Variants in AFF2 observed in about 807,000 individuals in gnomAD.
The protein encoded by AFF2 is ALF transcription elongation factor 2.
AFF2 carries 14 observed loss-of-function variants against 76.9 expected under a neutral mutation model. The ratio of observed to expected loss-of-function variants is 0.18; its 90% CI spans 0.12 to 0.28. The LOEUF is 0.28. Among genes scored for constraint, AFF2 ranks in the 10% least tolerant of loss-of-function variants. AFF2 has a pLI of 1.00. For synonymous variants in AFF2, 398 were observed against 366.7 expected (o/e 1.09, Z -0.98); for missense variants, 868 against 1,001.1 (o/e 0.87, Z 1.79).
chrX:148,570,933 A>G (rs1951716628), intron 1 of AFF2, among the ~76,000 whole-genome samples: 1 of 111,073 alleles, frequency 9.0e-6, no homozygotes, highest in South Asian at 3.8e-4. Flanking sequence ...TTATAAGGAT[A>G]CTAGTCATAT....
Position 148,999,618 on chromosome X carries a change from G to A in AFF2, c.*8286G>A, listed in dbSNP as rs1210753974. The A allele has an allele frequency of 1.6e-4, 16 of 102,672 alleles. No homozygotes were observed. The highest frequency in any genetic ancestry group is 4.0e-4 in the African/African-American group (9 of 22,309). 8.5% of individuals were successfully genotyped at this position (102,672 alleles called of 1,213,427 possible). ...TGTGTGTGTGCGCGCACACACGTGCGTGTGTGTGTCCCTGCATGTGCAACA... is the reference window on the plus strand; with the variant it reads ...TGTGTGTGTGCGCGCACACACGTGCATGTGTGTGTCCCTGCATGTGCAACA... On this transcript the variant is annotated 3_prime_UTR_variant, in exon 21 of 21. Coordinates refer to ENST00000370460, the MANE Select transcript of AFF2 (RefSeq NM_002025.4).
intron 1 of AFF2, among the ~76,000 whole-genome samples, chrX:148,517,861 C>A (rs868914061): frequency 4.1e-5 from 4 of 97,431 alleles, no homozygotes; most frequent in Non-Finnish European, 4.1e-5. Context: ...ACTAAAAATA[C>A]AAAAAAAAAA....
At chrX:148,850,790 A>C (rs2070723225) in intron 7 of AFF2, among the ~76,000 whole-genome samples, 1 of 112,164 alleles carries the variant, frequency 8.9e-6, no homozygotes, top group African/African-American at 3.2e-5. Context: ...AGGGAGGGGA[A>C]GATATTTTCC....
intron 13 of AFF2, among the ~76,000 whole-genome samples, chrX:148,965,795 A>T (rs186381295): frequency 1.8e-5 from 2 of 112,005 alleles, no homozygotes; most frequent in East Asian, 5.6e-4. Context: ...AACACACAAG[A>T]TTGACAGATC....
intron 3 of AFF2, among the ~76,000 whole-genome samples, chrX:148,760,986 A>G (rs2069432571): frequency 8.9e-6 from 1 of 111,795 alleles, no homozygotes; most frequent in Non-Finnish European, 1.9e-5. Context: ...TACCTCATCT[A>G]TTTATGTGGC....
chrX:148,762,508 G>GTGTGTATA (rs782356186), intron 3 of AFF2, among the ~76,000 whole-genome samples: 2 of 106,405 alleles, frequency 1.9e-5, no homozygotes, highest in African/African-American at 7.3e-5. Context: ...GTGTGTGTGT[G>GTGTGTATA]TATATAACAT....
chrX:148,767,323 C>T (rs2069531403), intron 3 of AFF2, among the ~76,000 whole-genome samples: 1 of 111,184 alleles, frequency 9.0e-6, no homozygotes, highest in African/African-American at 3.3e-5. Context: ...ACTTAAATAA[C>T]AGGATTTTAG....
chrX:148,550,089 A>G (rs782768391), intron 1 of AFF2, among the ~76,000 whole-genome samples: 65 of 112,012 alleles, frequency 5.8e-4, no homozygotes, highest in African/African-American at 2.0e-3. Flanking sequence ...GATTTAGTCA[A>G]GTGAGGTGTG....
intron 1 of AFF2, among the ~76,000 whole-genome samples, chrX:148,644,079 A>G (rs1463537538): frequency 9.0e-6 from 1 of 111,594 alleles, no homozygotes; most frequent in Non-Finnish European, 1.9e-5. Context: ...ATTTTTGACA[A>G]TCAATATCCA....
chrX:148,668,132 G>A lies in AFF2; in HGVS notation c.1041+5364G>A, dbSNP rs143170821. On this transcript the variant is annotated intron_variant, in intron 3 of 20. Transcript: ENST00000370460. ...TGCAAGTCCAAAATCCAGCAGGGCC[G>A]TCAAACCTTAAAGCTCCAAAATGAT... Among the ~76,000 whole-genome samples the A allele has an allele frequency of 4.2e-3, 480 of 113,117 alleles. 3 individuals carry two copies. The highest frequency in any genetic ancestry group is 0.015 in the African/African-American group (459 of 31,194).
In AFF2 at chrX:148,830,491, C is replaced by T. The variant is rs141605917; in HGVS notation, c.1087-7156C>T. ...TTTCACATAGGTTCTTTTCTATTTC[C>T]GTAAGTGTCGGCCTGTCTGAGAAAT... On this transcript the variant is annotated intron_variant, in intron 4 of 20. Coordinates refer to ENST00000370460, the MANE Select transcript of AFF2 (RefSeq NM_002025.4). Among the ~76,000 whole-genome samples, 384 of 111,854 alleles carry T rather than the reference C, an allele frequency of 3.4e-3. 3 individuals are homozygous for T. Among genetic ancestry groups the T allele is most frequent in the African/African-American group, 0.012 (356 of 30,745 alleles).
chrX:148,541,125 T>G, intron 1 of AFF2, among the ~76,000 whole-genome samples: 1 of 112,028 alleles, frequency 8.9e-6, no homozygotes, highest in Non-Finnish European at 1.9e-5. Flanking sequence ...ATATGCTACT[T>G]TGATCAAACT....
chrX:148,718,028 T>A (rs185627370), intron 3 of AFF2, among the ~76,000 whole-genome samples: 1 of 110,623 alleles, frequency 9.0e-6, no homozygotes, highest in African/African-American at 3.3e-5. Flanking sequence ...CTTAGTTTTT[T>A]TTTTTTTTAA....
intron 1 of AFF2, among the ~76,000 whole-genome samples, chrX:148,519,168 T>C (rs1184849399): frequency 9.0e-6 from 1 of 111,481 alleles, no homozygotes; most frequent in Non-Finnish European, 1.9e-5. Context: ...CACACCCCAT[T>C]TTTTGCATTT....
intron 9 of AFF2, among the ~76,000 whole-genome samples, chrX:148,944,616 C>T (rs1320693207): frequency 1.8e-5 from 2 of 111,674 alleles, no homozygotes; most frequent in African/African-American, 3.3e-5. Flanking sequence ...CCAGAAAAGT[C>T]AGTGTGATTT....
chrX:148,824,989 G>A (rs192732232), intron 4 of AFF2, among the ~76,000 whole-genome samples: 251 of 111,082 alleles, frequency 2.3e-3, no homozygotes, highest in African/African-American at 6.0e-3. Context: ...AGTGAGCCAC[G>A]ATCACACCAT....
At chrX:148,764,653 C>T (rs1220298458) in intron 3 of AFF2, among the ~76,000 whole-genome samples, 2 of 112,103 alleles carry the variant, frequency 1.8e-5, no homozygotes, top group African/African-American at 3.2e-5. Flanking sequence ...TCTTTTCGTA[C>T]GTGTACTTAC....
chrX:148,835,931 T>C (rs936029972), intron 4 of AFF2, among the ~76,000 whole-genome samples: 4 of 111,714 alleles, frequency 3.6e-5, no homozygotes, highest in Non-Finnish European at 7.5e-5. Context: ...TGTACTCTTA[T>C]ACCAACAGCT....
At chrX:148,753,658 T>G (rs1363883702) in intron 3 of AFF2, among the ~76,000 whole-genome samples, 1 of 112,240 alleles carries the variant, frequency 8.9e-6, no homozygotes, top group African/African-American at 3.2e-5. Flanking sequence ...CTCCTGTAGC[T>G]ATGATGTGTA....
Sources: allele counts gnomAD v4.1 joint callset (sites outside exome capture counted in the v4.1 genomes callset), GRCh38; gene constraint gnomAD v4.1.1; transcripts MANE v1.5; gene names NCBI Gene and HGNC (gene_info 2026-07-23, HGNC 2026-07-21).